FRYL: variants seen among roughly 807,000 people sequenced by gnomAD.
The protein encoded by FRYL is FRY like transcription coactivator.
A neutral mutation model predicts 351.2 loss-of-function variants in FRYL; 150 were observed. The observed-to-expected ratio is 0.43, with a 90% CI of 0.37 to 0.49. FRYL has a LOEUF of 0.49. FRYL is among the 20% of genes least tolerant of loss of function. FRYL has a pLI of 0.00. For synonymous variants in FRYL, 1,153 were observed against 1,257.1 expected, an observed-to-expected ratio of 0.92 and a Z score of 1.75; for missense variants, 3,036 against 3,619.3, an observed-to-expected ratio of 0.84 and a Z score of 4.13.
At chr4:48,519,240 C>T (rs1339711427) in intron 55 of FRYL, among the ~76,000 whole-genome samples, 2 of 152,156 alleles carry the variant, frequency 1.3e-5, no homozygotes, top group Non-Finnish European at 2.9e-5. Flanking sequence ...TTCATTGCTC[C>T]TATTGCTCTT....
chr4:48,649,707 C>G (rs553825006), intron 3 of FRYL, among the ~76,000 whole-genome samples: 1 of 152,272 alleles, frequency 6.6e-6, no homozygotes, highest in East Asian at 1.9e-4. Context: ...TGAATTTAGG[C>G]CATATGAATG....
Position 48,501,700 on chromosome 4 carries a change from G to A in FRYL, c.8515C>T (p.His2839Tyr), listed in dbSNP as rs1383919399. 6.2e-7 allele frequency: 1 copy of A among 1,607,538 alleles called. No homozygotes were observed. Among genetic ancestry groups the A allele is most frequent in the Admixed American group, 1.7e-5 (1 of 59,906 alleles). Residue 2839 changes from histidine to tyrosine, a missense_variant, in exon 62 of 64, where the codon CAT becomes TAT. Transcript: ENST00000358350. ...TGGAACAGAAGCAGCAATTGAAAAT[G>A]CAATTTGTATAATCTTCGGCAGAGC... is the stretch of plus-strand genomic sequence containing the variant. Reference protein sequence around the residue: ...LELCRRLYKLHFQLLLLFQAY... With the variant: ...LELCRRLYKLYFQLLLLFQAY...
At position 48,553,248 on chromosome 4, in the gene FRYL, T is replaced by C. The variant is rs201826654; in HGVS notation, c.4402A>G (p.Thr1468Ala). 2.1e-3 allele frequency: 3,423 copies of C among 1,612,998 alleles called. 47 individuals carry two copies. The highest frequency in any genetic ancestry group is 0.019 in the South Asian group (1,760 of 90,708). The change falls in exon 36 of 64, where the codon ACT becomes GCT. Residue 1468 changes from threonine (T) to alanine (A), a missense_variant. Physicochemically the swap from Thr to Ala is moderately conservative, Grantham distance 58 (BLOSUM62 0). Coordinates refer to ENST00000358350, the MANE Select transcript of FRYL (RefSeq NM_015030.2). ...ACAGAAGGGATTTTATAGCTGGAAG[T>C]GATGCGATAATACGGGGGATTATCC... is the stretch of plus-strand genomic sequence containing the variant. Reference protein sequence around the residue: ...HMDNPPYYRITSSYKIPSVTS... With the variant: ...HMDNPPYYRIASSYKIPSVTS...
intron 3 of FRYL, chr4:48,653,943 C>T (rs1006410424): frequency 2.5e-6 from 3 of 1,214,906 alleles, no homozygotes; most frequent in South Asian, 1.5e-5. Context: ...GGCTTCATTA[C>T]CATGCAGTCT....
chr4:48,531,081 T>C, intron 50 of FRYL, 75 bp downstream of exon 50: 1 of 1,015,856 alleles, frequency 9.8e-7, no homozygotes. Flanking sequence ...TCAATGTTTG[T>C]TAAATCAAAG....
In FRYL at chr4:48,503,289, TAATA is replaced by T. The variant is rs1457946310; in HGVS notation, c.8464-448_8464-445del. Among the ~76,000 whole-genome samples, 9 of 152,302 alleles carry T rather than the reference TAATA, an allele frequency of 5.9e-5. No homozygotes were observed. In the East Asian group the frequency reaches 1.5e-3, roughly 26 times the overall value. Reference sequence around the variant, plus strand: ...AAAAGAATTGGCTTATAATCGTACATAATAAATACTTATCCATCACCATCAAAAG... The same window carrying T: ...AAAAGAATTGGCTTATAATCGTACATAATACTTATCCATCACCATCAAAAG... On this transcript the variant is annotated intron_variant, in intron 60 of 63. Transcript: ENST00000358350.
chr4:48,554,063 C>T (rs1733525263), intron 35 of FRYL, among the ~76,000 whole-genome samples: 1 of 152,280 alleles, frequency 6.6e-6, no homozygotes, highest in East Asian at 1.9e-4. Flanking sequence ...AAAAACTTTT[C>T]AGTAGTATAT....
At chr4:48,614,401 T>G (rs1052873694) in intron 7 of FRYL, among the ~76,000 whole-genome samples, 2 of 152,152 alleles carry the variant, frequency 1.3e-5, no homozygotes, top group Admixed American at 1.3e-4. Context: ...CTAATTCTAC[T>G]TCAATATGCA....
chr4:48,580,136 C>T (rs1339637180), intron 22 of FRYL, among the ~76,000 whole-genome samples: 1 of 151,960 alleles, frequency 6.6e-6, no homozygotes, highest in East Asian at 1.9e-4. Context: ...CCCTTGGCTA[C>T]ATATAACTCA....
chr4:48,620,830 C>T (rs770899629), intron 5 of FRYL, 52 bp from the exon 6 acceptor site: 21 of 1,488,006 alleles, frequency 1.4e-5, no homozygotes, highest in East Asian at 2.3e-5. Context: ...GAATGTACCA[C>T]ACTCTTAAGT....
At chr4:48,761,960 C>T (rs555069227) in intron 1 of FRYL, among the ~76,000 whole-genome samples, 3 of 152,140 alleles carry the variant, frequency 2.0e-5, no homozygotes, top group Non-Finnish European at 4.4e-5. Flanking sequence ...GGAGGTGGGA[C>T]CTTTAGGAAG....
At chr4:48,621,971 A>T (rs1337332875) in intron 5 of FRYL, among the ~76,000 whole-genome samples, 1 of 152,194 alleles carries the variant, frequency 6.6e-6, no homozygotes, top group African/African-American at 2.4e-5. Flanking sequence ...CCTATATTTC[A>T]TTAACAATGA....
At chr4:48,592,082 T>TTATATATGTATATATATATATATA (rs1743418891) in intron 16 of FRYL, among the ~76,000 whole-genome samples, 1 of 116,178 alleles carries the variant, frequency 8.6e-6, no homozygotes, top group African/African-American at 4.5e-5. Flanking sequence ...AATAAAGCTC[T>TTATATATGTATATATATATATATA]TATATATATA....
intron 2 of FRYL, among the ~76,000 whole-genome samples, chr4:48,688,364 A>T (rs78940726): frequency 5.3e-5 from 8 of 152,206 alleles, no homozygotes; most frequent in Non-Finnish European, 1.2e-4. Context: ...AACAAAATGC[A>T]GTAACTTCTT....
chr4:48,755,332 AT>A (rs1231943784), intron 1 of FRYL, among the ~76,000 whole-genome samples: 1 of 152,180 alleles, frequency 6.6e-6, no homozygotes, highest in East Asian at 1.9e-4. Context: ...TCTTCCAGAA[AT>A]TTGATACACA....
intron 16 of FRYL, among the ~76,000 whole-genome samples, chr4:48,592,093 T>TAC (rs1560674258): frequency 1.6e-4 from 6 of 36,508 alleles, no homozygotes; most frequent in Non-Finnish European, 3.9e-4. Context: ...TATATATATA[T>TAC]ATATATATAT....
intron 2 of FRYL, among the ~76,000 whole-genome samples, chr4:48,695,038 G>C (rs1766023596): frequency 6.6e-6 from 1 of 152,094 alleles, no homozygotes; most frequent in Admixed American, 6.5e-5. Context: ...CTCTAGCCTG[G>C]GCAACAGAGT....
chr4:48,754,001 A>C (rs1357329056), intron 1 of FRYL, among the ~76,000 whole-genome samples: 1 of 152,228 alleles, frequency 6.6e-6, no homozygotes, highest in Non-Finnish European at 1.5e-5. Flanking sequence ...AATACTATTT[A>C]ATTAATCTAT....
At chr4:48,520,947 A>G (rs950753336) in intron 55 of FRYL, 101 bp downstream of exon 55, 5 of 763,272 alleles carry the variant, frequency 6.6e-6, no homozygotes, top group Non-Finnish European at 1.0e-5. Flanking sequence ...AATACTGGAA[A>G]CAAATCAACT....
Sources: gnomAD v4.1 joint callset for allele counts (sites outside exome capture counted in the v4.1 genomes callset) on GRCh38, gnomAD v4.1.1 for gene constraint, MANE v1.5 for transcripts, NCBI Gene and HGNC (gene_info 2026-07-23, HGNC 2026-07-21) for gene names.